Variants in BTN3A1 observed in about 807,000 individuals in gnomAD.
BTN3A1 encodes the protein dJ45P21.3 (butyrophilin, subfamily 3, member A1).
Under a neutral mutation model 43.0 loss-of-function variants are expected in BTN3A1, and 24 were observed. That is an observed-to-expected ratio of 0.56 (90% CI 0.40 to 0.78). BTN3A1 has a LOEUF of 0.78. Among genes scored for constraint, BTN3A1 ranks in the 30% least tolerant of loss-of-function variants. The pLI, the probability that BTN3A1 is intolerant of heterozygous loss-of-function variation, is 0.00. For synonymous variants in BTN3A1, 181 were observed against 234.7 expected (o/e 0.77, Z 2.09); for missense variants, 533 against 626.2 (o/e 0.85, Z 1.59).
Position 26,411,139 on chromosome 6 carries a change from A to G in BTN3A1, c.991+4A>G. ...GAGAGACATTCAGCCTATAATGGTGAGTGAACCTGATGCTCTCTGAGTTTG... is the reference window on the plus strand; with the variant it reads ...GAGAGACATTCAGCCTATAATGGTGGGTGAACCTGATGCTCTCTGAGTTTG... On this transcript the variant is annotated splice_donor_region_variant and intron_variant, in intron 8 of 9. Transcript: ENST00000289361. 1 of 1,609,348 alleles carries G rather than the reference A, an allele frequency of 6.2e-7. No homozygotes were observed. Among genetic ancestry groups the G allele is most frequent in the Non-Finnish European group, 8.5e-7 (1 of 1,178,314 alleles).
chr6:26,404,336 AAAAGT>A (rs1178273981), intron 1 of BTN3A1: 1 of 152,274 alleles, frequency 6.6e-6, no homozygotes, highest in Non-Finnish European at 1.5e-5. Context: ...CCAATATTTT[AAAAGT>A]AAAGGGAACA....
At chr6:26,411,413 C>G (rs1762212884) in intron 8 of BTN3A1, 142 bp from the exon 9 acceptor site, 1 of 1,081,696 alleles carries the variant, frequency 9.2e-7, no homozygotes, top group Non-Finnish European at 1.4e-6. Flanking sequence ...ACCCCTGATC[C>G]ATCAGAGCTG....
rs763429277 is a variant in BTN3A1 at position 26,415,128 on chromosome 6, T to G, written c.*1436T>G. ...AACTACTCCTCATTATCATCATTAT[T>G]ATTGCTCTCCACTGTATCCCCTCTA... On this transcript the variant is annotated 3_prime_UTR_variant, in exon 10 of 10. Coordinates refer to ENST00000289361, the MANE Select transcript of BTN3A1 (RefSeq NM_007048.6). The G allele has an allele frequency of 6.6e-6, 1 of 152,214 alleles. No homozygotes were observed. The highest frequency in any genetic ancestry group is 6.5e-5 in the Admixed American group (1 of 15,282). The allele number at this position is 152,214 out of a possible 1,614,324, so 9.4% of individuals were successfully genotyped here. A position where few individuals can be genotyped will look rare whatever the true frequency, so the allele number is the denominator to read the frequency against.
In BTN3A1 at chr6:26,413,136, G is replaced by T. The variant is rs375019794; in HGVS notation, c.1019-33G>T. The T allele has an allele frequency of 2.7e-5, 42 of 1,575,608 alleles. No homozygotes were observed. In the African/African-American group the frequency reaches 5.6e-4, roughly 21 times the overall value. ...GCTCTGAAATCCAGGAAAAATGGTT[G>T]ACCTCATGGACACTTCCTCAAACTC... On this transcript the variant is annotated intron_variant, in intron 9 of 9. Coordinates refer to ENST00000289361, the MANE Select transcript of BTN3A1 (RefSeq NM_007048.6).
chr6:26,413,141 C>T (rs1361205321), intron 9 of BTN3A1, 28 bp from the exon 10 acceptor site: 1 of 1,588,572 alleles, frequency 6.3e-7, no homozygotes, highest in Admixed American at 1.7e-5. Context: ...TGGTTGACCT[C>T]ATGGACACTT....
chr6:26,402,853 T>C (rs1223768007), intron 1 of BTN3A1, among the ~76,000 whole-genome samples: 2 of 152,156 alleles, frequency 1.3e-5, no homozygotes, highest in African/African-American at 4.8e-5. Flanking sequence ...CAATGCATGG[T>C]TCAATCATAA....
At chr6:26,409,111 A>C (rs1427700208) in intron 4 of BTN3A1, among the ~76,000 whole-genome samples, 1 of 128,834 alleles carries the variant, frequency 7.8e-6, no homozygotes, top group Non-Finnish European at 1.6e-5. Context: ...CCAGCTCCAA[A>C]GTTCCTGTTC....
chr6:26,405,758 A>C (rs1581623396), intron 2 of BTN3A1, 110 bp downstream of exon 2: 1 of 1,577,402 alleles, frequency 6.3e-7, no homozygotes, highest in Non-Finnish European at 8.7e-7. Context: ...CTGAAGGTTC[A>C]CCCGTCACTA....
In BTN3A1 at chr6:26,411,600, G is replaced by A. The variant is rs1219306848; in HGVS notation, c.1018+19G>A. The A allele has an allele frequency of 5.0e-6, 8 of 1,611,850 alleles. No individual in the cohort carries two copies. Among genetic ancestry groups the A allele is most frequent in the Non-Finnish European group, 5.9e-6 (7 of 1,178,708 alleles). Reference sequence around the variant, plus strand: ...AAGCCTGGTGAGTAAATCACTGTGTGTTCCCTGGACCAACAACCTGAGGGA... The same window carrying A: ...AAGCCTGGTGAGTAAATCACTGTGTATTCCCTGGACCAACAACCTGAGGGA... On this transcript the variant is annotated intron_variant, in intron 9 of 9. Transcript: ENST00000289361.
intron 3 of BTN3A1, among the ~76,000 whole-genome samples, chr6:26,406,996 C>T (rs1762042070): frequency 6.6e-6 from 1 of 152,166 alleles, no homozygotes; most frequent in Non-Finnish European, 1.5e-5. Flanking sequence ...TCCCTCATTG[C>T]TGATGGGGGT....
intron 1 of BTN3A1, among the ~76,000 whole-genome samples, 171 bp from the exon 2 acceptor site, chr6:26,405,201 C>G (rs941719363): frequency 6.6e-6 from 1 of 152,174 alleles, no homozygotes; most frequent in Non-Finnish European, 1.5e-5. Flanking sequence ...CCGGTGGAAC[C>G]AGGGAGCCCA....
chr6:26,407,975 G>T, intron 4 of BTN3A1, 23 bp downstream of exon 4: 1 of 1,611,760 alleles, frequency 6.2e-7, no homozygotes, highest in African/African-American at 1.3e-5. Flanking sequence ...TTGGCCTCAG[G>T]TTTTCTGAGC....
chr6:26,409,779 A>G, intron 5 of BTN3A1, 46 bp downstream of exon 5: 1 of 1,589,562 alleles, frequency 6.3e-7, no homozygotes, highest in Non-Finnish European at 8.5e-7. Context: ...TTACGGGCCA[A>G]AGCCCAAAGA....
intron 1 of BTN3A1, among the ~76,000 whole-genome samples, chr6:26,402,757 T>C (rs531737555): frequency 6.6e-6 from 1 of 152,322 alleles, no homozygotes; most frequent in African/African-American, 2.4e-5. Flanking sequence ...TATAGATTCA[T>C]ATGTAAATTT....
chr6:26,408,099 G>A (rs1432461268), intron 4 of BTN3A1, 147 bp downstream of exon 4: 17 of 1,316,292 alleles, frequency 1.3e-5, no homozygotes, highest in Non-Finnish European at 1.7e-5. Flanking sequence ...TTGCACCGGG[G>A]GAGCTTCTCT....
In BTN3A1 at chr6:26,413,575, T is replaced by G; in HGVS notation, c.1425T>G (p.Asn475Lys). 6.2e-7 allele frequency: 1 copy of G among 1,614,188 alleles called. No homozygotes were observed. Among genetic ancestry groups the G allele is most frequent in the Non-Finnish European group, 8.5e-7 (1 of 1,180,036 alleles). ...DYETGDISFY[N>K]AVDGSHIHTF... ...AGACTGGAGATATCTCATTCTACAA[T>G]GCTGTGGATGGATCGCATATTCATA... is the stretch of plus-strand genomic sequence containing the variant. The change falls in exon 10 of 10, where the codon AAT becomes AAG. Residue 475 changes from asparagine (N) to lysine (K), a missense_variant. Transcript: ENST00000289361.
intron 1 of BTN3A1, among the ~76,000 whole-genome samples, chr6:26,403,736 C>T (rs909236539): frequency 1.3e-5 from 2 of 152,092 alleles, no homozygotes; most frequent in African/African-American, 4.8e-5. Context: ...GTTGACCAGG[C>T]TGGTCTTGAA....
At position 26,413,645 on chromosome 6, in the gene BTN3A1, A is replaced by C; in HGVS notation, c.1495A>C (p.Arg499=). 1 of 1,613,920 alleles carries C rather than the reference A, an allele frequency of 6.2e-7. No individual in the cohort carries two copies. Among genetic ancestry groups the C allele is most frequent in the Non-Finnish European group, 8.5e-7 (1 of 1,179,956 alleles). ...SFSEALYPVF[R]ILTLEPTALT... is the part of the protein sequence containing the mutation. ...CTCTGAGGCTCTATATCCTGTTTTC[A>C]GAATTTTGACCTTGGAGCCCACGGC... The change falls in exon 10 of 10, where the codon AGA becomes CGA. Residue 499 remains arginine (R), a synonymous_variant. Transcript: ENST00000289361.
chr6:26,412,941 A>G (rs1762269491), intron 9 of BTN3A1: 1 of 1,457,706 alleles, frequency 6.9e-7, no homozygotes, highest in African/African-American at 1.4e-5. Context: ...TTAGGCAGAG[A>G]TGCTGAGGCA....
Sources: gnomAD v4.1 joint callset for allele counts (sites outside exome capture counted in the v4.1 genomes callset) on GRCh38, gnomAD v4.1.1 for gene constraint, MANE v1.5 for transcripts, NCBI Gene and HGNC (gene_info 2026-07-23, HGNC 2026-07-21) for gene names.